VPS26A: variants seen among roughly 807,000 people sequenced by gnomAD.
VPS26A encodes VPS26 retromer complex component A.
VPS26A carries 22 observed loss-of-function variants against 42.4 expected under a neutral mutation model. The observed-to-expected ratio is 0.52, with a 90% CI of 0.37 to 0.74. VPS26A has a LOEUF of 0.74. Ranked by LOEUF, VPS26A falls within the 30% of genes least tolerant of loss-of-function variation. The pLI is 0.00. For missense variants in VPS26A, 276 were observed against 379.2 expected, an observed-to-expected ratio of 0.73 and a Z score of 2.26; for synonymous variants, 110 against 123.5, an observed-to-expected ratio of 0.89 and a Z score of 0.73.
chr10:69,156,934 T>C, intron 3 of VPS26A, 73 bp from the exon 4 acceptor site: 1 of 1,382,122 alleles, frequency 7.2e-7, no homozygotes, highest in South Asian at 1.5e-5. Context: ...TCGTTTGTGT[T>C]TGAAGTAGAT....
chr10:69,132,759 A>T (rs1043751392), intron 1 of VPS26A, 139 bp from the exon 2 acceptor site: 2 of 892,622 alleles, frequency 2.2e-6, no homozygotes, highest in Non-Finnish European at 3.2e-6. Flanking sequence ...GTAGCATTTG[A>T]TATATGTTTT....
intron 8 of VPS26A, 89 bp downstream of exon 8, chr10:69,168,720 A>G: frequency 5.4e-6 from 8 of 1,476,706 alleles, no homozygotes; most frequent in Non-Finnish European, 7.2e-6. Context: ...GTACTGAGCG[A>G]GTGGGAGTTT....
chr10:69,158,306 TTAATC>T (rs1168252580), intron 5 of VPS26A, 95 bp downstream of exon 5: 7 of 1,070,356 alleles, frequency 6.5e-6, no homozygotes, highest in Non-Finnish European at 6.4e-6. Context: ...AGAATTGACA[TTAATC>T]TGATGTTAAC....
intron 7 of VPS26A, among the ~76,000 whole-genome samples, chr10:69,167,436 AAGAAAAAG>A (rs1432257358): frequency 6.8e-6 from 1 of 147,014 alleles, no homozygotes; most frequent in Non-Finnish European, 1.5e-5. Context: ...AAAAAAGAAA[AAGAAAAAG>A]AAAAAAAAAA....
chr10:69,162,473 A>C lies in VPS26A; in HGVS notation c.619A>C (p.Met207Leu). Residue 207 changes from methionine (M) to leucine (L), a missense_variant, in exon 6 of 9, where the codon ATG (methionine) becomes CTG (leucine). By Grantham distance (15) the Met-to-Leu change is conservative. Transcript: ENST00000263559. Reference sequence around the variant, plus strand: ...ATTAGTAAGAATAAAAATACAACATATGGAGTTACAGCTGATCAAAAAAGA... The same window carrying C: ...ATTAGTAAGAATAAAAATACAACATCTGGAGTTACAGCTGATCAAAAAAGA... Reference protein sequence around the residue: ...FLLVRIKIQHMELQLIKKEIT... With the variant: ...FLLVRIKIQHLELQLIKKEIT... 2 of 1,574,364 alleles carry C rather than the reference A, an allele frequency of 1.3e-6. No homozygotes were observed. Among genetic ancestry groups the C allele is most frequent in the Non-Finnish European group, 1.7e-6 (2 of 1,148,476 alleles).
intron 2 of VPS26A, among the ~76,000 whole-genome samples, chr10:69,153,043 G>A (rs1482960791): frequency 2.0e-5 from 3 of 149,382 alleles, no homozygotes; most frequent in Non-Finnish European, 4.5e-5. Context: ...TAAATGTTAA[G>A]TTGTTTTTTT....
chr10:69,150,794 T>C (rs1841286806), intron 2 of VPS26A, among the ~76,000 whole-genome samples: 1 of 152,152 alleles, frequency 6.6e-6, no homozygotes, highest in Admixed American at 6.5e-5. Context: ...AAAGTATATA[T>C]ATGCATGCCC....
intron 2 of VPS26A, among the ~76,000 whole-genome samples, chr10:69,146,660 TATA>T (rs1267953243): frequency 6.6e-6 from 1 of 152,210 alleles, no homozygotes; most frequent in East Asian, 1.9e-4. Context: ...TAAGTGGTCA[TATA>T]ATATTTGTCC....
At chr10:69,161,690 G>A (rs1480137444) in intron 5 of VPS26A, 4 of 373,186 alleles carry the variant, frequency 1.1e-5, no homozygotes, top group Non-Finnish European at 1.6e-5. Context: ...GTCATCAACC[G>A]GGGTTCAGCA....
At chr10:69,163,716 C>T (rs1333753678) in intron 6 of VPS26A, among the ~76,000 whole-genome samples, 1 of 151,718 alleles carries the variant, frequency 6.6e-6, no homozygotes, top group African/African-American at 2.4e-5. Flanking sequence ...AAATGATTAC[C>T]ACAGTCAAGC....
intron 1 of VPS26A, among the ~76,000 whole-genome samples, chr10:69,126,341 G>C (rs10998589): frequency 6.6e-6 from 1 of 151,972 alleles, no homozygotes; most frequent in Non-Finnish European, 1.5e-5. Flanking sequence ...GTGTGGTGGC[G>C]CATTGCTGTA....
chr10:69,157,217 T>G, intron 4 of VPS26A, 54 bp downstream of exon 4: 1 of 1,527,128 alleles, frequency 6.5e-7, no homozygotes, highest in Non-Finnish European at 8.8e-7. Flanking sequence ...AAGTAATGAC[T>G]ACTGTTGATA....
At position 69,151,264 on chromosome 10, in the gene VPS26A, CA is replaced by C. The variant is rs1192297497; in HGVS notation, c.154-4529del. ...TGGGCAACAGAGTGAGACTCCATGT[CA>C]AAAAAAAAAAAAAAAAAACACACAC... On this transcript the variant is annotated intron_variant, in intron 2 of 8. Transcript: ENST00000263559. Among the ~76,000 whole-genome samples the C allele has an allele frequency of 4.3e-4, 13 of 30,410 alleles. 1 individual carries two copies. Among genetic ancestry groups the C allele is most frequent in the East Asian group, 1.2e-3 (2 of 1,668 alleles). The allele number at this position is 30,410 out of a possible 152,430, so 20.0% of individuals were successfully genotyped here. A position where few individuals can be genotyped will look rare whatever the true frequency, so the allele number is the denominator to read the frequency against.
At position 69,155,947 on chromosome 10, in the gene VPS26A, A is replaced by T. The variant is rs1037360548; in HGVS notation, c.229+60A>T. 1.1e-5 allele frequency: 15 copies of T among 1,326,938 alleles called. No homozygotes were observed. In the Admixed American group the frequency reaches 2.9e-4, roughly 25 times the overall value. 82.2% of individuals were successfully genotyped at this position (1,326,938 alleles called of 1,614,324 possible). On this transcript the variant is annotated intron_variant, in intron 3 of 8. Transcript: ENST00000263559. The stretch of plus-strand genomic sequence containing the variant: ...GATAACTGAATTTGAAGAGGGTTGG[A>T]TTTTGCACCAAAATAATTGAATTAG...
At chr10:69,146,567 C>A (rs369613624) in intron 2 of VPS26A, among the ~76,000 whole-genome samples, 11 of 152,074 alleles carry the variant, frequency 7.2e-5, no homozygotes, top group Non-Finnish European at 1.6e-4. Context: ...ACCCATTAAG[C>A]GGTAACTCCC....
At chr10:69,153,238 C>T (rs772688085) in intron 2 of VPS26A, among the ~76,000 whole-genome samples, 4 of 151,754 alleles carry the variant, frequency 2.6e-5, no homozygotes, top group African/African-American at 4.8e-5. Context: ...TTAGTAGAGA[C>T]GAGGTTTCAC....
At chr10:69,144,869 A>G (rs909678611) in intron 2 of VPS26A, among the ~76,000 whole-genome samples, 8 of 151,940 alleles carry the variant, frequency 5.3e-5, no homozygotes, top group African/African-American at 1.7e-4. Flanking sequence ...TAGTCTCTTA[A>G]TGGTGTCTTA....
chr10:69,164,218 T>A (rs978092822), intron 6 of VPS26A, among the ~76,000 whole-genome samples: 1 of 145,534 alleles, frequency 6.9e-6, no homozygotes, highest in Non-Finnish European at 1.5e-5. Flanking sequence ...TCAATCCCCC[T>A]CCACCTTTTT....
chr10:69,146,410 T>C (rs1212848461), intron 2 of VPS26A, among the ~76,000 whole-genome samples: 1 of 152,166 alleles, frequency 6.6e-6, no homozygotes, highest in Admixed American at 6.5e-5. Context: ...TTTAAAAAAA[T>C]TGTGGTCAAA....
Sources: allele counts gnomAD v4.1 joint callset (sites outside exome capture counted in the v4.1 genomes callset), GRCh38; gene constraint gnomAD v4.1.1; transcripts MANE v1.5; gene names NCBI Gene and HGNC (gene_info 2026-07-23, HGNC 2026-07-21).